The following UBE2D3 variants were observed in gnomAD, a reference collection of about 807,000 sequenced individuals.
The protein encoded by UBE2D3 is ubiquitin conjugating enzyme E2 D3, also known as ubiquitin-conjugating enzyme E2 D3.
Under a neutral mutation model 22.8 loss-of-function variants are expected in UBE2D3, and 2 were observed. The observed-to-expected ratio is 0.09, with a 90% CI of 0.04 to 0.28. The LOEUF is 0.28. Among genes scored for constraint, UBE2D3 ranks in the 10% least tolerant of loss-of-function variants. The pLI is 1.00. For missense variants in UBE2D3, 27 were observed against 182.5 expected, an observed-to-expected ratio of 0.15 and a Z score of 4.91; for synonymous variants, 56 against 60.4, an observed-to-expected ratio of 0.93 and a Z score of 0.34.
At chr4:102,868,637 C>T in intron 1 of UBE2D3, 4 of 1,606,622 alleles carry the variant, frequency 2.5e-6, no homozygotes, top group Non-Finnish European at 3.4e-6. Context: ...GAGTATGCAA[C>T]CCTAGGGCCA....
intron 4 of UBE2D3, chr4:102,809,230 C>T: frequency 3.9e-6 from 1 of 259,526 alleles, no homozygotes; most frequent in Non-Finnish European, 8.3e-6. Context: ...TCAAATTTTG[C>T]ATAAACTGAA....
At chr4:102,802,822 T>TA (rs1726412950) in intron 4 of UBE2D3, 184 bp from the exon 5 acceptor site, 1 of 403,328 alleles carries the variant, frequency 2.5e-6, no homozygotes, top group African/African-American at 2.1e-5. Context: ...TATACAGTAA[T>TA]AAACCCTAAT....
At position 102,799,499 on chromosome 4, in the gene UBE2D3, A is replaced by G. The variant is rs1394798048; in HGVS notation, c.306T>C (p.Val102=). The G allele has an allele frequency of 1.2e-6, 2 of 1,604,510 alleles. No homozygotes were observed. The highest frequency in any genetic ancestry group is 1.7e-6 in the Non-Finnish European group (2 of 1,174,982). Residue 102 remains valine, a splice_region_variant and synonymous_variant, in exon 7 of 8, where the codon GTT becomes GTC. Coordinates refer to ENST00000453744, the MANE Select transcript of UBE2D3 (RefSeq NM_181891.3). ...ATAGCAGTGAACAAATGGATAAAAG[A>G]ACTGCAAGAAAACAAAAACATCTGT... The part of the protein sequence containing the change: ...QWSPALTISK[V]LLSICSLLCD...
Position 102,800,038 on chromosome 4 carries a change from T to C in UBE2D3, c.305-538A>G, listed in dbSNP as rs757893605. ...TAGTTAAATACAATGCCAAAATCTC[T>C]TTAGTACTAAGTGAGTCATCAGCTC... is the stretch of plus-strand genomic sequence containing the variant. On this transcript the variant is annotated intron_variant, in intron 6 of 7. Transcript: ENST00000453744. Among the ~76,000 whole-genome samples, 12 of 152,140 alleles carry C rather than the reference T, an allele frequency of 7.9e-5. 1 individual carries two copies. Among genetic ancestry groups the C allele is most frequent in the Admixed American group, 3.3e-4 (5 of 15,266 alleles).
chr4:102,809,391 T>G (rs1727593590), intron 4 of UBE2D3: 3 of 401,554 alleles, frequency 7.5e-6, no homozygotes, highest in African/African-American at 4.1e-5. Context: ...TGACAATGCT[T>G]TACACAGTGC....
intron 1 of UBE2D3, among the ~76,000 whole-genome samples, chr4:102,868,541 T>A (rs1733287173): frequency 6.6e-6 from 1 of 152,122 alleles, no homozygotes; most frequent in Non-Finnish European, 1.5e-5. Flanking sequence ...TAAAATATTT[T>A]AATTTTTATT....
chr4:102,826,052 T>C (rs1169600874), intron 2 of UBE2D3, among the ~76,000 whole-genome samples: 4 of 152,154 alleles, frequency 2.6e-5, no homozygotes, highest in African/African-American at 9.7e-5. Flanking sequence ...CCTCCGAGTT[T>C]TCTTTCTTAC....
chr4:102,811,751 T>C (rs765941832), intron 2 of UBE2D3: 3 of 441,126 alleles, frequency 6.8e-6, no homozygotes, highest in Non-Finnish European at 1.3e-5. Context: ...AAAGAAAGGA[T>C]GCCTAAATAA....
rs1050701497 is a variant in UBE2D3, at chr4:102,806,488, CATA to C, written c.120+3181_120+3183del. 1.2e-3 allele frequency among the ~76,000 whole-genome samples: 175 copies of C among 152,070 alleles called. 2 individuals are homozygous for C. The highest frequency in any genetic ancestry group is 4.2e-3 in the African/African-American group (173 of 41,472). On this transcript the variant is annotated intron_variant, in intron 4 of 7. Transcript: ENST00000453744. ...TATCAGTAACCTACGTGGGAAATGA[CATA>C]ATAATACACTTGAAAAAAAAGTTGA...
chr4:102,850,079 T>G (rs1442651111), intron 1 of UBE2D3, among the ~76,000 whole-genome samples: 1 of 152,174 alleles, frequency 6.6e-6, no homozygotes, highest in African/African-American at 2.4e-5. Context: ...TTTTATCCAT[T>G]TAATAGAATA....
intron 1 of UBE2D3, among the ~76,000 whole-genome samples, chr4:102,854,657 CTTTA>C (rs1460430621): frequency 1.3e-5 from 2 of 152,112 alleles, no homozygotes; most frequent in African/African-American, 2.4e-5. Context: ...GCAGATCTTT[CTTTA>C]TTTACTTTTC....
intron 4 of UBE2D3, among the ~76,000 whole-genome samples, chr4:102,805,328 T>A (rs1346028792): frequency 2.0e-5 from 3 of 151,900 alleles, no homozygotes; most frequent in Non-Finnish European, 4.4e-5. Context: ...AGAAACAAAA[T>A]CCCCAAAGAA....
intron 1 of UBE2D3, chr4:102,843,437 A>G (rs968498284): frequency 1.3e-5 from 2 of 152,130 alleles, no homozygotes; most frequent in African/African-American, 4.8e-5. Context: ...TGACTCATCA[A>G]ACTGTACAAC....
intron 1 of UBE2D3, among the ~76,000 whole-genome samples, chr4:102,837,671 G>T (rs1731483911): frequency 6.6e-6 from 1 of 152,056 alleles, no homozygotes; most frequent in South Asian, 2.1e-4. Flanking sequence ...AAATTTTTCG[G>T]CTGGGCGCAG....
At chr4:102,848,883 A>G (rs1274590399) in intron 1 of UBE2D3, among the ~76,000 whole-genome samples, 1 of 151,282 alleles carries the variant, frequency 6.6e-6, no homozygotes, top group Non-Finnish European at 1.5e-5. Flanking sequence ...CTTTCCTTAT[A>G]GGAACGAGGT....
chr4:102,826,984 A>AG (rs1320385665), intron 1 of UBE2D3: 7 of 996,250 alleles, frequency 7.0e-6, no homozygotes, highest in South Asian at 8.7e-5. Flanking sequence ...AAGAAAGGCA[A>AG]GGGGGGAGGG....
intron 1 of UBE2D3, among the ~76,000 whole-genome samples, chr4:102,849,996 G>T (rs1051877352): frequency 3.9e-5 from 6 of 152,094 alleles, no homozygotes; most frequent in African/African-American, 1.2e-4. Context: ...ACAGAAGAAT[G>T]CACCATAATT....
chr4:102,836,377 C>T (rs1032245589), intron 1 of UBE2D3, among the ~76,000 whole-genome samples: 5 of 152,010 alleles, frequency 3.3e-5, no homozygotes, highest in African/African-American at 1.2e-4. Context: ...GAACTCCTGA[C>T]CTCAGGTGAT....
intron 1 of UBE2D3, among the ~76,000 whole-genome samples, chr4:102,856,772 C>A (rs1397485553): frequency 6.6e-6 from 1 of 152,034 alleles, no homozygotes; most frequent in Non-Finnish European, 1.5e-5. Flanking sequence ...ATACTTTCTA[C>A]AATTTGCTTT....
Sources: allele counts gnomAD v4.1 joint callset (sites outside exome capture counted in the v4.1 genomes callset), GRCh38; gene constraint gnomAD v4.1.1; transcripts MANE v1.5; gene names NCBI Gene and HGNC (gene_info 2026-07-23, HGNC 2026-07-21).